BRCA1: variants seen among roughly 807,000 people sequenced by gnomAD.
The protein encoded by BRCA1 is BRCA1 DNA repair associated, also known as breast cancer type 1 susceptibility protein.
Under a neutral mutation model 173.7 loss-of-function variants are expected in BRCA1, and 140 were observed. The ratio of observed to expected loss-of-function variants is 0.81; its 90% CI spans 0.70 to 0.93. The LOEUF (loss-of-function observed/expected upper bound fraction) is 0.93. Among genes scored for constraint, BRCA1 ranks in the 40% least tolerant of loss-of-function variants. BRCA1 has a pLI of 0.00. For missense variants in BRCA1, 1,983 were observed against 2,172.5 expected (o/e 0.91, Z 1.73); for synonymous variants, 662 against 756.0 (o/e 0.88, Z 2.04).
At chr17:43,109,041 T>TCTATCTATCTACCTACCTAC (rs2154558536) in intron 3 of BRCA1, among the ~76,000 whole-genome samples, 2 of 151,586 alleles carry the variant, frequency 1.3e-5, no homozygotes, top group African/African-American at 4.8e-5. Flanking sequence ...TATCTATATC[T>TCTATCTATCTACCTACCTAC]CTATCTATCT....
intron 6 of BRCA1, among the ~76,000 whole-genome samples, chr17:43,100,675 TATAATATATATATATATATATA>T (rs2054413741): frequency 6.4e-5 from 1 of 15,550 alleles, no homozygotes; most frequent in African/African-American, 4.6e-4. Flanking sequence ...TATATATATA[TATAATATATATATATATATATA>T]TATATGTAAT....
At chr17:43,076,335 G>A (rs1319892626) in intron 13 of BRCA1, among the ~76,000 whole-genome samples, 153 bp downstream of exon 13, 6 of 151,850 alleles carry the variant, frequency 4.0e-5, no homozygotes, top group Non-Finnish European at 8.8e-5. Flanking sequence ...ACCTATATAG[G>A]ATTAAACAAA....
At chr17:43,125,112 G>GCCCCCCC in intron 1 of BRCA1, 159 bp downstream of exon 1, 3 of 270,446 alleles carry the variant, frequency 1.1e-5, no homozygotes, top group South Asian at 2.6e-5. Flanking sequence ...CCTACAAACT[G>GCCCCCCC]CCCCCCTCCC....
chr17:43,080,162 T>C (rs1013330038), intron 12 of BRCA1, among the ~76,000 whole-genome samples: 2 of 152,180 alleles, frequency 1.3e-5, no homozygotes, highest in Non-Finnish European at 1.5e-5. Flanking sequence ...GTTACATTCT[T>C]TGTGGATAGG....
At position 43,136,711 on chromosome 17, in the gene BRCA1, C is replaced by G. The variant is rs1567828855; in HGVS notation, c.-19-12596G>C. On this transcript the variant is annotated intron_variant, in intron 1 of 7. Coordinates refer to the BRCA1 transcript ENST00000634433. ...GCTCATCATCACTGGCCATCAGAGA[C>G]ATGCAAATCAAAACCACAATGAGAT... 2.6e-5 allele frequency among the ~76,000 whole-genome samples: 4 copies of G among 152,292 alleles called. No individual in the cohort carries two copies. In the South Asian group the frequency reaches 8.3e-4, roughly 32 times the overall value.
Position 43,092,072 on chromosome 17 carries a change from C to G in BRCA1, c.3459G>C (p.Leu1153=), listed in dbSNP as rs1482441548. 2 of 1,614,048 alleles carry G rather than the reference C, an allele frequency of 1.2e-6. No homozygotes were observed. Among genetic ancestry groups the G allele is most frequent in the Non-Finnish European group, 1.7e-6 (2 of 1,180,032 alleles). The change falls in exon 10 of 23, where the codon CTG becomes CTC. Residue 1153 remains leucine (L), a synonymous_variant. Coordinates refer to ENST00000357654, the MANE Select transcript of BRCA1 (RefSeq NM_007294.4). ...CTTCCTTTATTTCACCATCATCTAACAGGTCATCAGGTGTCTCAGAACAAA... is the reference window on the plus strand; with the variant it reads ...CTTCCTTTATTTCACCATCATCTAAGAGGTCATCAGGTGTCTCAGAACAAA... ...SQVCSETPDD[L]LDDGEIKEDT...
At chr17:43,153,922 C>T (rs2056179689) in intron 1 of BRCA1, among the ~76,000 whole-genome samples, 1 of 152,206 alleles carries the variant, frequency 6.6e-6, no homozygotes. Context: ...CGTGGTGCCT[C>T]ATGCTTGTAA....
chr17:43,104,996 T>G (rs1386263550), intron 4 of BRCA1, 40 bp from the exon 5 acceptor site: 1 of 1,502,794 alleles, frequency 6.7e-7, no homozygotes, highest in Non-Finnish European at 9.3e-7. Context: ...CAGCAAGTGA[T>G]TATCAACCTT....
At chr17:43,061,119 C>G (rs2051732611) in intron 18 of BRCA1, among the ~76,000 whole-genome samples, 1 of 152,092 alleles carries the variant, frequency 6.6e-6, no homozygotes, top group South Asian at 2.1e-4. Context: ...GAGGGAGACA[C>G]CATCTCAAAA....
Position 43,067,254 on chromosome 17 carries a change from CG to C in BRCA1, c.5074+353del, listed in dbSNP as rs1414335964. 4.7e-4 allele frequency: 113 copies of C among 240,404 alleles called. 1 individual carries two copies. Among genetic ancestry groups the C allele is most frequent in the African/African-American group, 1.8e-3 (76 of 42,424 alleles). 14.9% of individuals were successfully genotyped at this position (240,404 alleles called of 1,614,324 possible). Reference sequence around the variant, plus strand: ...CTCAACAAATATTCTTATTTTTTCACGTTTTTTTTTTTTTTTTTTGAGACGG... The same window carrying C: ...CTCAACAAATATTCTTATTTTTTCACTTTTTTTTTTTTTTTTTTGAGACGG... On this transcript the variant is annotated intron_variant, in intron 16 of 22. Transcript: ENST00000357654.
chr17:43,153,065 A>G (rs1267391206), intron 1 of BRCA1, among the ~76,000 whole-genome samples: 1 of 151,806 alleles, frequency 6.6e-6, no homozygotes, highest in African/African-American at 2.4e-5. Flanking sequence ...TAAATAAATA[A>G]ATGGAGAACT....
chr17:43,090,995 G>A lies in BRCA1; in HGVS notation c.4134C>T (p.Val1378=), dbSNP rs1597858410. 3 of 1,612,854 alleles carry A rather than the reference G, an allele frequency of 1.9e-6. No individual in the cohort carries two copies. The East Asian group carries it at 6.7e-5, about 36-fold the overall frequency. Residue 1378 remains valine, a synonymous_variant, in exon 11 of 23, where the codon GTC becomes GTT. Coordinates refer to ENST00000357654, the MANE Select transcript of BRCA1 (RefSeq NM_007294.4). ...AGGATAGCCCTGAGCAGTCTTCAGA[G>A]ACGCTTGTTTCACTCTCACACCCAG... ...AASGCESETS[V]SEDCSGLSSQ...
rs587781684 is a variant in BRCA1, at chr17:43,093,279, A to G, written c.2252T>C (p.Met751Thr). Residue 751 changes from methionine to threonine, a missense_variant, in exon 10 of 23, where the codon ATG becomes ACG. Coordinates refer to ENST00000357654, the MANE Select transcript of BRCA1 (RefSeq NM_007294.4). Reference sequence around the variant, plus strand: ...TTGCAAAACCCTTTCTCCACTTAACATGAGATCTTTGGGGTCTTCAGCATT... The same window carrying G: ...TTGCAAAACCCTTTCTCCACTTAACGTGAGATCTTTGGGGTCTTCAGCATT... ...SNNAEDPKDLMLSGERVLQTE... is the reference protein window; with the variant it reads ...SNNAEDPKDLTLSGERVLQTE... 8.1e-6 allele frequency: 13 copies of G among 1,613,958 alleles called. No individual in the cohort carries two copies. Among genetic ancestry groups the G allele is most frequent in the African/African-American group, 1.3e-5 (1 of 74,916 alleles).
intron 2 of BRCA1, among the ~76,000 whole-genome samples, chr17:43,118,945 T>C (rs2055421293): frequency 6.6e-6 from 1 of 152,078 alleles, no homozygotes; most frequent in African/African-American, 2.4e-5. Flanking sequence ...TTTGTATTTT[T>C]GGTAGGGAAG....
In BRCA1 at chr17:43,094,400, G is replaced by C. The variant is rs786203434; in HGVS notation, c.1131C>G (p.Ser377Arg). 4 of 1,614,004 alleles carry C rather than the reference G, an allele frequency of 2.5e-6. No individual in the cohort carries two copies. The highest frequency in any genetic ancestry group is 2.2e-5 in the East Asian group (1 of 44,898). Reference protein sequence around the residue: ...TEDVPWITLNSSIQKVNEWFS... With the variant: ...TEDVPWITLNRSIQKVNEWFS... ...ACCACTCATTAACTTTCTGAATGCTGCTATTTAGTGTTATCCAAGGAACAT... is the reference window on the plus strand; with the variant it reads ...ACCACTCATTAACTTTCTGAATGCTCCTATTTAGTGTTATCCAAGGAACAT... The change falls in exon 10 of 23, where the codon AGC (serine) becomes AGG (arginine). Residue 377 changes from serine (S) to arginine (R), a missense_variant. Coordinates refer to ENST00000357654, the MANE Select transcript of BRCA1 (RefSeq NM_007294.4).
At chr17:43,125,016 C>T (rs535977743) in intron 1 of BRCA1, 72 of 399,940 alleles carry the variant, frequency 1.8e-4, no homozygotes, top group African/African-American at 1.2e-3. Flanking sequence ...TAGTGTCCCC[C>T]TCAAGGCATA....
chr17:43,066,353 A>G (rs1447497259), intron 16 of BRCA1, among the ~76,000 whole-genome samples: 2 of 152,130 alleles, frequency 1.3e-5, no homozygotes, highest in Non-Finnish European at 2.9e-5. Flanking sequence ...AAAACTCTCA[A>G]CAATACTCAA....
At chr17:43,090,858 C>T (rs1274030038) in intron 11 of BRCA1, 86 bp downstream of exon 11, 9 of 1,265,782 alleles carry the variant, frequency 7.1e-6, no homozygotes, top group Non-Finnish European at 1.0e-5. Context: ...GAGATGATGT[C>T]AGCAAACCTA....
chr17:43,108,994 AAAAAC>A (rs774309689), intron 3 of BRCA1, among the ~76,000 whole-genome samples: 2 of 152,090 alleles, frequency 1.3e-5, no homozygotes, highest in African/African-American at 2.4e-5. Context: ...ACTCCATCTC[AAAAAC>A]AAAACAAAAC....
Sources: gnomAD v4.1 joint callset for allele counts (sites outside exome capture counted in the v4.1 genomes callset) on GRCh38, gnomAD v4.1.1 for gene constraint, MANE v1.5 for transcripts, NCBI Gene and HGNC (gene_info 2026-07-23, HGNC 2026-07-21) for gene names.